The following FREM3 variants were observed in gnomAD, a reference collection of about 807,000 sequenced individuals.
The protein encoded by FREM3 is FRAS1 related extracellular matrix 3, also known as FRAS1-related extracellular matrix protein 3.
Under a neutral mutation model 129.1 loss-of-function variants are expected in FREM3, and 105 were observed. The ratio of observed to expected loss-of-function variants is 0.81; its 90% CI spans 0.69 to 0.96. The LOEUF (loss-of-function observed/expected upper bound fraction) is 0.96. Among genes scored for constraint, FREM3 ranks in the 40% least tolerant of loss-of-function variants. The pLI, the probability that FREM3 is intolerant of heterozygous loss-of-function variation, is 0.00. For synonymous variants in FREM3, 1,014 were observed against 1,044.9 expected (o/e 0.97, Z 0.57); for missense variants, 2,593 against 2,666.3 (o/e 0.97, Z 0.61).
Position 143,696,719 on chromosome 4 carries a change from T to G in FREM3, c.3957A>C (p.Lys1319Asn). The G allele has an allele frequency of 6.5e-7, 1 of 1,537,896 alleles. No homozygotes were observed. Among genetic ancestry groups the G allele is most frequent in the South Asian group, 1.2e-5 (1 of 84,046 alleles). ...GATTTGTGATGATCTCAGAGTGTCC[T>G]TTCTCTACCTTCAGCCCATTGTTGA... is the stretch of plus-strand genomic sequence containing the variant. Reference protein sequence around the residue: ...LTVNNGLKVEKGHSEIITNRI... With the variant: ...LTVNNGLKVENGHSEIITNRI... The change falls in exon 1 of 8, where the codon AAA becomes AAC. Residue 1319 changes from lysine (K) to asparagine (N), a missense_variant. Around this residue, in one of 2 missense-constraint regions of FREM3, gnomAD observed 2,276 missense variants for 2,267.2 expected, o/e 1.00. Transcript: ENST00000329798.
At chr4:143,610,333 G>A (rs72938296) in intron 6 of FREM3, among the ~76,000 whole-genome samples, 12,431 of 152,108 alleles carry the variant, frequency 0.082, 1,434 homozygotes, top group African/African-American at 0.27. Context: ...TTGTTATGAA[G>A]ACATAATTTT....
chr4:143,591,688 G>T (rs1738365921), intron 6 of FREM3, among the ~76,000 whole-genome samples: 1 of 152,124 alleles, frequency 6.6e-6, no homozygotes, highest in Non-Finnish European at 1.5e-5. Flanking sequence ...AATAGGTGTG[G>T]TGTGGTGCTG....
chr4:143,698,081 G>A lies in FREM3; in HGVS notation c.2595C>T (p.Val865=), dbSNP rs1363820405. The change falls in exon 1 of 8, where the codon GTC becomes GTT. Residue 865 remains valine (V), a synonymous_variant. Coordinates refer to ENST00000329798, the MANE Select transcript of FREM3 (RefSeq NM_001168235.2). The part of the protein sequence containing the change: ...TDPDTDIDQI[V]FILVRGPQHG... ...GTTGGGGACCCCGGACTAATATGAA[G>A]ACAATTTGGTCAATGTCTGTGTCTG... The A allele has an allele frequency of 1.3e-6, 2 of 1,537,344 alleles. No individual in the cohort carries two copies. Among genetic ancestry groups the A allele is most frequent in the South Asian group, 2.4e-5 (2 of 84,058 alleles).
intron 2 of FREM3, among the ~76,000 whole-genome samples, chr4:143,649,791 T>C (rs1179496396): frequency 6.6e-6 from 1 of 152,232 alleles, no homozygotes. Flanking sequence ...TTGCAGATTA[T>C]TTATGAAAAA....
At position 143,696,573 on chromosome 4, in the gene FREM3, T is replaced by C. The variant is rs1378563317; in HGVS notation, c.4103A>G (p.Asn1368Ser). ...GGTAAAGTTCATTCCCAGAGTAAGA[T>C]TGTTCCTCACTTCTCCTCTGGGTTT... The part of the protein sequence containing the change: ...LRKPRGEVRN[N>S]LTLGMNFTQD... Residue 1368 changes from asparagine (N) to serine (S), a missense_variant, in exon 1 of 8, where the codon AAT becomes AGT. Physicochemically the swap from Asn to Ser is conservative, Grantham distance 46 (BLOSUM62 1). This residue lies in a region of FREM3 where 2,276 missense variants were observed against 2,267.2 expected (regional missense o/e 1.00). Coordinates refer to ENST00000329798, the MANE Select transcript of FREM3 (RefSeq NM_001168235.2). 3.9e-6 allele frequency: 6 copies of C among 1,537,386 alleles called. No homozygotes were observed. Among genetic ancestry groups the C allele is most frequent in the Non-Finnish European group, 2.6e-6 (3 of 1,146,958 alleles).
chr4:143,624,574 G>A (rs6851874), intron 3 of FREM3, among the ~76,000 whole-genome samples: 70,164 of 152,004 alleles, frequency 0.46, 16,487 homozygotes, highest in African/African-American at 0.53. Flanking sequence ...AGAACAGAGA[G>A]CAATCTTATT....
intron 2 of FREM3, among the ~76,000 whole-genome samples, chr4:143,658,780 A>G (rs768483798): frequency 2.6e-5 from 4 of 152,218 alleles, no homozygotes; most frequent in Admixed American, 1.3e-4. Context: ...TTCTTCTTCT[A>G]AAGTGGCCCA....
In FREM3 at chr4:143,695,819, A is replaced by G; in HGVS notation, c.4857T>C (p.Ser1619=). 13 of 1,537,254 alleles carry G rather than the reference A, an allele frequency of 8.5e-6. No homozygotes were observed. Among genetic ancestry groups the G allele is most frequent in the African/African-American group, 1.4e-5 (1 of 73,142 alleles). ...KHDGSETTED[S]FSLTVTDGTH... ...TGCCGTCTGTCACAGTCAAGGAGAAACTATCTTCAGTGGTCTCACTGCCGT... is the reference window on the plus strand; with the variant it reads ...TGCCGTCTGTCACAGTCAAGGAGAAGCTATCTTCAGTGGTCTCACTGCCGT... Residue 1619 remains serine, a synonymous_variant, in exon 1 of 8, where the codon AGT becomes AGC. Coordinates refer to ENST00000329798, the MANE Select transcript of FREM3 (RefSeq NM_001168235.2).
intron 2 of FREM3, among the ~76,000 whole-genome samples, chr4:143,643,801 T>TAGAAGAG (rs1739365913): frequency 1.3e-5 from 2 of 152,004 alleles, no homozygotes; most frequent in South Asian, 4.2e-4. Context: ...ACAAAATAAC[T>TAGAAGAG]AGAAGAGAGG....
intron 2 of FREM3, among the ~76,000 whole-genome samples, chr4:143,668,520 C>T (rs1560865024): frequency 6.6e-6 from 1 of 152,220 alleles, no homozygotes; most frequent in Non-Finnish European, 1.5e-5. Flanking sequence ...TTGATTAGCG[C>T]ATCCCTCACC....
chr4:143,624,093 A>G lies in FREM3; in HGVS notation c.5653+15T>C, dbSNP rs903681163. Reference sequence around the variant, plus strand: ...CTGTACTGGTTAATAAAGCAAATCAATCAGTGTCACATACCATCTCCAGGG... The same window carrying G: ...CTGTACTGGTTAATAAAGCAAATCAGTCAGTGTCACATACCATCTCCAGGG... On this transcript the variant is annotated intron_variant, in intron 4 of 7. Transcript: ENST00000329798. The G allele has an allele frequency of 2.8e-6, 4 of 1,416,120 alleles. No individual in the cohort carries two copies. Among genetic ancestry groups the G allele is most frequent in the Middle Eastern group, 1.7e-4 (1 of 5,780 alleles). The allele number at this position is 1,416,120 out of a possible 1,614,324, so 87.7% of individuals were successfully genotyped here. A position where few individuals can be genotyped will look rare whatever the true frequency, so the allele number is the denominator to read the frequency against.
intron 2 of FREM3, among the ~76,000 whole-genome samples, chr4:143,678,953 AAG>A: frequency 6.6e-6 from 1 of 152,208 alleles, no homozygotes. Context: ...CATGTATAAA[AAG>A]GATGCACATA....
Position 143,659,959 on chromosome 4 carries a change from T to A in FREM3, c.5276-32199A>T, listed in dbSNP as rs1226044503. Among the ~76,000 whole-genome samples, 5 of 151,226 alleles carry A rather than the reference T, an allele frequency of 3.3e-5. No homozygotes were observed. In the East Asian group the frequency reaches 9.7e-4, roughly 29 times the overall value. On this transcript the variant is annotated intron_variant, in intron 2 of 7. Coordinates refer to ENST00000329798, the MANE Select transcript of FREM3 (RefSeq NM_001168235.2). The stretch of plus-strand genomic sequence containing the variant: ...TTTTTTTCTTGTAAATTTGTTTGAG[T>A]TCATTGTAGATTCTGGATATTAGCC...
intron 2 of FREM3, among the ~76,000 whole-genome samples, chr4:143,683,162 G>A (rs769635697): frequency 6.6e-6 from 1 of 152,152 alleles, no homozygotes; most frequent in East Asian, 1.9e-4. Context: ...GGAGAGAGGC[G>A]GATGATCATG....
chr4:143,598,598 GTA>G (rs142511513), intron 6 of FREM3, among the ~76,000 whole-genome samples: 2,930 of 152,206 alleles, frequency 0.019, 91 homozygotes, highest in African/African-American at 0.066. Context: ...GCTCCCAGTT[GTA>G]TGTCACTGTG....
rs777332656 is a variant in FREM3, at chr4:143,698,687, G to GTAA, written c.1988_1989insTTA (p.His663_Ser664insTyr). On this transcript the variant is annotated inframe_insertion, in exon 1 of 8. Transcript: ENST00000329798. ...GCTGGACCATTACAGATTGAGGGCTGTGTGGTCCAAGATGGCGGTAGAAGA... is the reference window on the plus strand; with the variant it reads ...GCTGGACCATTACAGATTGAGGGCTGTAATGTGGTCCAAGATGGCGGTAGAAGA... 3.9e-6 allele frequency: 6 copies of GTAA among 1,537,560 alleles called. No homozygotes were observed. In the South Asian group the frequency reaches 7.1e-5, roughly 18 times the overall value.
intron 6 of FREM3, among the ~76,000 whole-genome samples, chr4:143,609,879 AAAC>A (rs961563602): frequency 3.3e-5 from 5 of 152,168 alleles, no homozygotes; most frequent in African/African-American, 9.7e-5. Flanking sequence ...TCTCTTTCCA[AAAC>A]AACTTCTTTC....
chr4:143,685,031 C>T (rs1054224531), intron 2 of FREM3, among the ~76,000 whole-genome samples: 4 of 151,982 alleles, frequency 2.6e-5, no homozygotes, highest in South Asian at 2.1e-4. Context: ...TAAGAATAAT[C>T]GGTGTTTCTT....
intron 6 of FREM3, among the ~76,000 whole-genome samples, chr4:143,593,549 G>A (rs34371857): frequency 0.13 from 20,234 of 151,820 alleles, 1,367 homozygotes; most frequent in South Asian, 0.2. Context: ...GAAGAACAGC[G>A]GATATTGGTG....
Sources: gnomAD v4.1 joint callset for allele counts (sites outside exome capture counted in the v4.1 genomes callset) on GRCh38, gnomAD v4.1.1 for gene constraint, gnomAD v4.1.1 regional missense constraint, MANE v1.5 for transcripts, NCBI Gene and HGNC (gene_info 2026-07-23, HGNC 2026-07-21) for gene names.